RAD51B: variants seen among roughly 807,000 people sequenced by gnomAD.
RAD51B encodes the protein DNA repair protein RAD51 homolog 2.
A neutral mutation model predicts 42.2 loss-of-function variants in RAD51B; 38 were observed. That is an observed-to-expected ratio of 0.90 (90% confidence interval 0.70 to 1.18). The LOEUF (loss-of-function observed/expected upper bound fraction) is 1.18. RAD51B is among the 50% of genes most tolerant of loss of function. RAD51B has a pLI of 0.00. For missense variants in RAD51B, 373 were observed against 400.7 expected (o/e 0.93, Z 0.59); for synonymous variants, 154 against 145.2 (o/e 1.06, Z -0.43).
intron 7 of RAD51B, among the ~76,000 whole-genome samples, chr14:68,043,793 G>C (rs1249306542): frequency 6.6e-6 from 1 of 152,126 alleles, no homozygotes; most frequent in Non-Finnish European, 1.5e-5. Flanking sequence ...AACAAACTAA[G>C]ACTAAGCATA....
intron 5 of RAD51B, among the ~76,000 whole-genome samples, chr14:67,867,149 C>T (rs1595030251): frequency 6.6e-6 from 1 of 152,126 alleles, no homozygotes; most frequent in Non-Finnish European, 1.5e-5. Flanking sequence ...TCTAGTTTGT[C>T]ATGGTGGGTC....
intron 10 of RAD51B, among the ~76,000 whole-genome samples, chr14:68,522,773 T>A (rs1292841446): frequency 6.6e-6 from 1 of 152,146 alleles, no homozygotes; most frequent in Non-Finnish European, 1.5e-5. Flanking sequence ...GCAGTGGGAC[T>A]TGGGAGGAAC....
At chr14:67,985,412 A>T (rs2075166872) in intron 7 of RAD51B, among the ~76,000 whole-genome samples, 2 of 152,218 alleles carry the variant, frequency 1.3e-5, no homozygotes, top group South Asian at 4.1e-4. Flanking sequence ...AATAACAGTA[A>T]TTGATCAAGT....
chr14:67,863,048 C>G, intron 4 of RAD51B, among the ~76,000 whole-genome samples: 1 of 151,552 alleles, frequency 6.6e-6, no homozygotes. Context: ...ACTGATCTCT[C>G]ATAATCTGGC....
Position 68,360,006 on chromosome 14 carries a change from T to C in RAD51B, c.854-51418T>C, listed in dbSNP as rs10145315. 6.4e-3 allele frequency among the ~76,000 whole-genome samples: 982 copies of C among 152,348 alleles called. 6 individuals are homozygous for C. The highest frequency in any genetic ancestry group is 0.021 in the African/African-American group (857 of 41,582). ...CAGCCTGGGCTGGGCTCCTTAAGTC[T>C]TGAACAACAAACACTTAAAATAATC... On this transcript the variant is annotated intron_variant, in intron 8 of 10. Coordinates refer to ENST00000471583, the MANE Select transcript of RAD51B (RefSeq NM_133510.4).
chr14:67,825,592 T>C lies in RAD51B; in HGVS notation c.198+15T>C, dbSNP rs765668928. 1.4e-5 allele frequency: 21 copies of C among 1,540,996 alleles called. No individual in the cohort carries two copies. In the Admixed American group the frequency reaches 3.2e-4, roughly 23 times the overall value. On this transcript the variant is annotated intron_variant, in intron 3 of 10. Transcript: ENST00000471583. Reference sequence around the variant, plus strand: ...AGATGCAAACGGTATATTTATATTTTATTATGATTTGATTATGAATGATTC... The same window carrying C: ...AGATGCAAACGGTATATTTATATTTCATTATGATTTGATTATGAATGATTC...
At chr14:68,121,863 A>T (rs2077657475) in intron 7 of RAD51B, among the ~76,000 whole-genome samples, 1 of 152,056 alleles carries the variant, frequency 6.6e-6, no homozygotes, top group Non-Finnish European at 1.5e-5. Flanking sequence ...TAACTTAAAG[A>T]CTGTGGTGCT....
At chr14:68,600,069 G>A (rs1891156535), downstream of RAD51B, among the ~76,000 whole-genome samples, 1 of 152,154 alleles carries the variant, frequency 6.6e-6, no homozygotes, top group Admixed American at 6.5e-5. Context: ...CCCCCTACAG[G>A]ACTCCCTGTC....
chr14:67,910,815 A>AT (rs575568902), intron 7 of RAD51B, among the ~76,000 whole-genome samples: 45,107 of 144,396 alleles, frequency 0.31, 9,239 homozygotes, highest in African/African-American at 0.6. Flanking sequence ...GCCCAATGTC[A>AT]TTTTTTTTTT....
intron 11 of RAD51B, among the ~76,000 whole-genome samples, chr14:68,673,467 A>C (rs1893205820): frequency 6.6e-6 from 1 of 152,064 alleles, no homozygotes; most frequent in Admixed American, 6.5e-5. Context: ...ATGCACACAT[A>C]TATACATGTA....
chr14:68,540,914 A>C, intron 10 of RAD51B: 2 of 985,446 alleles, frequency 2.0e-6, no homozygotes. Flanking sequence ...GATGATGTGA[A>C]GTTTGGAAAG....
intron 10 of RAD51B, among the ~76,000 whole-genome samples, chr14:68,487,899 G>A (rs1253921637): frequency 2.6e-5 from 4 of 152,168 alleles, no homozygotes; most frequent in African/African-American, 7.2e-5. Flanking sequence ...ACACAGCTCA[G>A]TTCATAACAC....
At chr14:68,072,248 G>A (rs2076764369) in intron 7 of RAD51B, among the ~76,000 whole-genome samples, 1 of 141,828 alleles carries the variant, frequency 7.1e-6, no homozygotes, top group Non-Finnish European at 1.5e-5. Flanking sequence ...TATATATAAT[G>A]CTTAATAAAC....
intron 7 of RAD51B, among the ~76,000 whole-genome samples, chr14:67,909,849 T>G (rs1179204779): frequency 6.6e-6 from 1 of 152,038 alleles, no homozygotes; most frequent in Non-Finnish European, 1.5e-5. Context: ...AAAGATGCGG[T>G]CTCACCATAT....
intron 7 of RAD51B, among the ~76,000 whole-genome samples, chr14:68,225,088 A>G (rs1048219152): frequency 2.0e-5 from 3 of 152,234 alleles, no homozygotes; most frequent in Admixed American, 1.3e-4. Context: ...ACAAGTGTGC[A>G]ATTTAGAGAA....
chr14:68,347,356 T>A (rs1162117838), intron 8 of RAD51B, among the ~76,000 whole-genome samples: 3 of 152,238 alleles, frequency 2.0e-5, no homozygotes, highest in Non-Finnish European at 2.9e-5. Context: ...ACAAAATGAT[T>A]GGGGGTCCCC....
At chr14:68,468,982 C>T (rs2086054559) in intron 10 of RAD51B, 1 of 330,856 alleles carries the variant, frequency 3.0e-6, no homozygotes, top group African/African-American at 2.1e-5. Context: ...GGGGTAAATT[C>T]CAGCACTGTT....
Position 68,422,346 on chromosome 14 carries a change from A to G in RAD51B, c.957+10819A>G, listed in dbSNP as rs554667351. 8.5e-6 allele frequency: 4 copies of G among 468,382 alleles called. No individual in the cohort carries two copies. In the East Asian group the frequency reaches 1.5e-4, roughly 18 times the overall value. The allele number at this position is 468,382 out of a possible 1,614,324, so 29.0% of individuals were successfully genotyped here. On this transcript the variant is annotated intron_variant, in intron 9 of 10. Transcript: ENST00000471583. ...GGGAGGCCGAGGCAGGTGGATCACGAGGTCAGGAGTTTGAGCCCAGCCTGG... is the reference window on the plus strand; with the variant it reads ...GGGAGGCCGAGGCAGGTGGATCACGGGGTCAGGAGTTTGAGCCCAGCCTGG...
chr14:68,541,181 G>A, intron 10 of RAD51B: 1 of 985,440 alleles, frequency 1.0e-6, no homozygotes, highest in Non-Finnish European at 1.2e-6. Context: ...AATCACCAGG[G>A]AGAGGCTGCA....
Sources: gnomAD v4.1 joint callset for allele counts (sites outside exome capture counted in the v4.1 genomes callset) on GRCh38, gnomAD v4.1.1 for gene constraint, MANE v1.5 for transcripts, NCBI Gene and HGNC (gene_info 2026-07-23, HGNC 2026-07-21) for gene names.